The following ATPSCKMT variants were observed in gnomAD, a reference collection of about 807,000 sequenced individuals.
ATPSCKMT encodes the protein ATP synthase c subunit lysine N-methyltransferase, also known as ATP synthase subunit C lysine N-methyltransferase.
A neutral mutation model predicts 24.3 loss-of-function variants in ATPSCKMT; 24 were observed. The ratio of observed to expected loss-of-function variants is 0.99; its 90% CI spans 0.71 to 1.39. ATPSCKMT has a LOEUF of 1.39. Ranked by LOEUF, ATPSCKMT falls within the 40% of genes most tolerant of loss-of-function variation. The pLI is 0.00. For missense variants in ATPSCKMT, 311 were observed against 298.4 expected (o/e 1.04, Z -0.31); for synonymous variants, 95 against 110.5 (o/e 0.86, Z 0.88).
intron 1 of ATPSCKMT, among the ~76,000 whole-genome samples, chr5:10,242,835 G>A (rs990642338): frequency 8.5e-5 from 13 of 152,158 alleles, no homozygotes; most frequent in African/African-American, 2.2e-4. Context: ...CTTGTACACC[G>A]CCACCAGAGC....
rs1021497811 is a variant in ATPSCKMT, at chr5:10,226,941, A to C, written c.*500T>G. 6.3e-6 allele frequency: 1 copy of C among 159,512 alleles called. No homozygotes were observed. Among genetic ancestry groups the C allele is most frequent in the African/African-American group, 2.4e-5 (1 of 41,502 alleles). The allele number at this position is 159,512 out of a possible 1,614,324, so 9.9% of individuals were successfully genotyped here. The stretch of plus-strand genomic sequence containing the variant: ...AAATACAGTAATCTAGTGGTGGAAC[A>C]AATTATTTCTAATAAATGTTATAAA... On this transcript the variant is annotated 3_prime_UTR_variant, in exon 5 of 5. Transcript: ENST00000511437.
chr5:10,241,951 T>C (rs1241914041), intron 1 of ATPSCKMT, among the ~76,000 whole-genome samples: 4 of 152,262 alleles, frequency 2.6e-5, no homozygotes, highest in Non-Finnish European at 5.9e-5. Flanking sequence ...TGGTCTGATT[T>C]ATCTTCGAAA....
Position 10,239,092 on chromosome 5 carries a change from TC to T in ATPSCKMT, c.280del (p.Asp94ThrfsTer11), listed in dbSNP as rs1744504393. ...MLRCRRGSLV[D>X]IGSGDGRIVI... ...AATGCGTCCGTCCCCACTACCGATGTCCACAAGGGATCCTCTTCGGCATCGC... is the reference window on the plus strand; with the variant it reads ...AATGCGTCCGTCCCCACTACCGATGTCACAAGGGATCCTCTTCGGCATCGC... On this transcript the variant is annotated frameshift_variant, in exon 2 of 5. Coordinates refer to ENST00000511437, the MANE Select transcript of ATPSCKMT (RefSeq NM_199133.4). LOFTEE classifies it high-confidence loss of function. 1.2e-6 allele frequency: 2 copies of T among 1,614,046 alleles called. No individual in the cohort carries two copies. The highest frequency in any genetic ancestry group is 2.2e-5 in the South Asian group (2 of 91,090).
intron 1 of ATPSCKMT, among the ~76,000 whole-genome samples, chr5:10,245,887 C>A (rs1243021761): frequency 6.6e-6 from 1 of 152,170 alleles, no homozygotes; most frequent in African/African-American, 2.4e-5. Flanking sequence ...TCAATACTAT[C>A]ATATGCAAGG....
intron 1 of ATPSCKMT, among the ~76,000 whole-genome samples, chr5:10,246,152 T>A (rs1428460441): frequency 1.3e-5 from 2 of 151,572 alleles, no homozygotes; most frequent in Non-Finnish European, 2.9e-5. Context: ...TTCTGGGGCC[T>A]GGCACAGTGG....
chr5:10,227,329 AT>A lies in ATPSCKMT; in HGVS notation c.*111del. On this transcript the variant is annotated 3_prime_UTR_variant, in exon 5 of 5. Transcript: ENST00000511437. ...CCAACAGTTAAGGAAAGTAATAGTA[AT>A]TTCTCATTCCAAACCAAAGACAATT... 1 of 1,112,326 alleles carries A rather than the reference AT, an allele frequency of 9.0e-7. No individual in the cohort carries two copies. The highest frequency in any genetic ancestry group is 1.3e-6 in the Non-Finnish European group (1 of 779,886). The allele number at this position is 1,112,326 out of a possible 1,614,324, so 68.9% of individuals were successfully genotyped here.
intron 1 of ATPSCKMT, among the ~76,000 whole-genome samples, chr5:10,249,019 A>C (rs1745128752): frequency 6.6e-6 from 1 of 152,106 alleles, no homozygotes; most frequent in South Asian, 2.1e-4. Context: ...CTCAGGCCCA[A>C]CACTTGGGGA....
Position 10,239,256 on chromosome 5 carries a change from T to C in ATPSCKMT, c.117A>G (p.Leu39=), listed in dbSNP as rs1177784724. Residue 39 remains leucine, a synonymous_variant, in exon 2 of 5, where the codon TTA becomes TTG. Coordinates refer to ENST00000511437, the MANE Select transcript of ATPSCKMT (RefSeq NM_199133.4). ...NSLQKSNWGF[L]LTGLVGGTLV... ...GGGTGCCACCCACAAGCCCAGTAAG[T>C]AAGAACCCCCAGTTGCTTTTCTGCA... is the stretch of plus-strand genomic sequence containing the variant. 1 of 1,614,206 alleles carries C rather than the reference T, an allele frequency of 6.2e-7. No individual in the cohort carries two copies. The highest frequency in any genetic ancestry group is 8.5e-7 in the Non-Finnish European group (1 of 1,180,030).
At chr5:10,240,111 G>A (rs1440127891) in intron 1 of ATPSCKMT, among the ~76,000 whole-genome samples, 2 of 151,598 alleles carry the variant, frequency 1.3e-5, no homozygotes, top group Non-Finnish European at 2.9e-5. Context: ...GCGGGCGCCT[G>A]TAGTCCCAGC....
At position 10,239,163 on chromosome 5, in the gene ATPSCKMT, A is replaced by C; in HGVS notation, c.210T>G (p.Phe70Leu). Residue 70 changes from phenylalanine (F) to leucine (L), a missense_variant, in exon 2 of 5, where the codon TTT (phenylalanine) becomes TTG (leucine). Transcript: ENST00000511437. ...TPALRKVCLP[F>L]VPATTKQIEN... is the part of the protein sequence containing the mutation. ...CAATCTGCTTCGTAGTTGCAGGTAC[A>C]AACGGCAAACAGACTTTTCGAAGGG... is the stretch of plus-strand genomic sequence containing the variant. The C allele has an allele frequency of 6.2e-6, 10 of 1,614,222 alleles. No homozygotes were observed. Among genetic ancestry groups the C allele is most frequent in the Non-Finnish European group, 8.5e-6 (10 of 1,180,048 alleles).
intron 2 of ATPSCKMT, chr5:10,236,978 G>A (rs1322377126): frequency 7.6e-7 from 1 of 1,314,322 alleles, no homozygotes; most frequent in Non-Finnish European, 9.9e-7. Context: ...CACAGCAGCA[G>A]TGAAATGAAA....
intron 1 of ATPSCKMT, among the ~76,000 whole-genome samples, chr5:10,245,947 T>C (rs1329651231): frequency 6.6e-6 from 1 of 152,164 alleles, no homozygotes; most frequent in Non-Finnish European, 1.5e-5. Flanking sequence ...TACATACAAT[T>C]TGCCTGCTTA....
At chr5:10,233,687 C>T (rs1012738570) in intron 4 of ATPSCKMT, among the ~76,000 whole-genome samples, 3 of 152,146 alleles carry the variant, frequency 2.0e-5, no homozygotes, top group African/African-American at 7.2e-5. Context: ...TGCTGCCCCC[C>T]GCTGGGACAA....
chr5:10,234,225 G>A (rs1225509394), intron 4 of ATPSCKMT, among the ~76,000 whole-genome samples: 2 of 152,108 alleles, frequency 1.3e-5, no homozygotes, highest in African/African-American at 2.4e-5. Flanking sequence ...CTACTCAGGA[G>A]GCTGATGCAG....
intron 1 of ATPSCKMT, 102 bp downstream of exon 1, chr5:10,249,756 G>A: frequency 6.8e-7 from 1 of 1,472,130 alleles, no homozygotes; most frequent in South Asian, 1.4e-5. Context: ...CCCGCACCCG[G>A]TCACCGCCTC....
At position 10,226,289 on chromosome 5, in the gene ATPSCKMT, T is replaced by C. The variant is rs1268232707; in HGVS notation, c.*1152A>G. On this transcript the variant is annotated 3_prime_UTR_variant, in exon 5 of 5. Transcript: ENST00000511437. Reference sequence around the variant, plus strand: ...TACATATTTGTTGAATGAATGAATGTGTCCCCAGATGTTTCTCATTTAAAT... The same window carrying C: ...TACATATTTGTTGAATGAATGAATGCGTCCCCAGATGTTTCTCATTTAAAT... 6.6e-6 allele frequency: 1 copy of C among 152,260 alleles called. No homozygotes were observed. The highest frequency in any genetic ancestry group is 1.5e-5 in the Non-Finnish European group (1 of 68,052). The allele number at this position is 152,260 out of a possible 1,614,324, so 9.4% of individuals were successfully genotyped here. A position where few individuals can be genotyped will look rare whatever the true frequency, so the allele number is the denominator to read the frequency against.
chr5:10,227,130 A>G lies in ATPSCKMT; in HGVS notation c.*311T>C, dbSNP rs1743913975. The G allele has an allele frequency of 2.9e-6, 1 of 339,782 alleles. No individual in the cohort carries two copies. The highest frequency in any genetic ancestry group is 2.1e-5 in the African/African-American group (1 of 47,494). 21.0% of individuals were successfully genotyped at this position (339,782 alleles called of 1,614,324 possible). ...TCTCCTTATCGAGGCATTAAGCCAT[A>G]TTGTTTATAATGTGAAGAGCTATTG... is the stretch of plus-strand genomic sequence containing the variant. On this transcript the variant is annotated 3_prime_UTR_variant, in exon 5 of 5. Transcript: ENST00000511437.
intron 1 of ATPSCKMT, among the ~76,000 whole-genome samples, chr5:10,247,159 T>C (rs899711094): frequency 6.6e-6 from 1 of 152,336 alleles, no homozygotes; most frequent in South Asian, 2.1e-4. Flanking sequence ...AATGAGTCTC[T>C]TGATGAAATC....
chr5:10,246,264 T>G (rs1744920544), intron 1 of ATPSCKMT, among the ~76,000 whole-genome samples: 1 of 151,864 alleles, frequency 6.6e-6, no homozygotes, highest in South Asian at 2.1e-4. Context: ...ACAACAACTC[T>G]ACTAAAATAC....
Sources: allele counts gnomAD v4.1 joint callset (sites outside exome capture counted in the v4.1 genomes callset), GRCh38; gene constraint gnomAD v4.1.1; transcripts MANE v1.5; gene names NCBI Gene and HGNC (gene_info 2026-07-23, HGNC 2026-07-21).